Variants in ZNF385D observed in about 807,000 individuals in gnomAD.
ZNF385D encodes the protein zinc finger protein 659.
A neutral mutation model predicts 35.8 loss-of-function variants in ZNF385D; 15 were observed. The ratio of observed to expected loss-of-function variants is 0.42; its 90% CI spans 0.28 to 0.64. The LOEUF (loss-of-function observed/expected upper bound fraction) is 0.64, where lower values mean the gene tolerates loss of function less well. ZNF385D is among the 30% of genes least tolerant of loss of function. The pLI is 0.23. For synonymous variants in ZNF385D, 212 were observed against 186.8 expected (o/e 1.13, Z -1.10); for missense variants, 474 against 494.6 (o/e 0.96, Z 0.39).
At chr3:21,913,267 A>G (rs1700050947) in intron 3 of ZNF385D, among the ~76,000 whole-genome samples, 1 of 152,080 alleles carries the variant, frequency 6.6e-6, no homozygotes, top group South Asian at 2.1e-4. Context: ...GTTAACTAGA[A>G]CCATTATAAT....
intron 3 of ZNF385D, among the ~76,000 whole-genome samples, chr3:21,557,098 T>G (rs1477672956): frequency 1.3e-5 from 2 of 152,192 alleles, no homozygotes; most frequent in Non-Finnish European, 1.5e-5. Context: ...AAATATACAA[T>G]CATGTCATCT....
At chr3:21,946,749 T>C (rs922671801) in intron 3 of ZNF385D, among the ~76,000 whole-genome samples, 1 of 152,184 alleles carries the variant, frequency 6.6e-6, no homozygotes, top group African/African-American at 2.4e-5. Context: ...GGAGAAACAC[T>C]TGAACCCAAG....
At chr3:21,550,671 CAG>C (rs1233575174) in intron 3 of ZNF385D, among the ~76,000 whole-genome samples, 1 of 152,130 alleles carries the variant, frequency 6.6e-6, no homozygotes, top group Non-Finnish European at 1.5e-5. Context: ...TTAACAGAGA[CAG>C]AGTTTCACCA....
At chr3:21,873,061 T>A (rs1697777281) in intron 3 of ZNF385D, among the ~76,000 whole-genome samples, 1 of 152,186 alleles carries the variant, frequency 6.6e-6, no homozygotes, top group African/African-American at 2.4e-5. Flanking sequence ...TAATTCTCTC[T>A]TTTAAGGTTT....
At position 22,035,326 on chromosome 3, in the gene ZNF385D, C is replaced by T. The variant is rs1698249043; in HGVS notation, c.325+133491G>A. ...GGCTGGACAGTCTTGTTCCCAGTGCCCATCTAGCAATATCTTCTCCTGTCT... is the reference window on the plus strand; with the variant it reads ...GGCTGGACAGTCTTGTTCCCAGTGCTCATCTAGCAATATCTTCTCCTGTCT... On this transcript the variant is annotated intron_variant, in intron 3 of 5. Transcript: ENST00000494108. Among the ~76,000 whole-genome samples the T allele has an allele frequency of 1.3e-5, 2 of 152,092 alleles. 1 individual carries two copies. Among genetic ancestry groups the T allele is most frequent in the Admixed American group, 1.3e-4 (2 of 15,258 alleles).
intron 3 of ZNF385D, among the ~76,000 whole-genome samples, chr3:21,814,576 G>C (rs1474018379): frequency 6.6e-6 from 1 of 152,126 alleles, no homozygotes; most frequent in East Asian, 1.9e-4. Flanking sequence ...AAGATCAAAA[G>C]AGACAAAGAA....
intron 1 of ZNF385D, among the ~76,000 whole-genome samples, chr3:21,696,986 C>A (rs1232953758): frequency 6.6e-6 from 1 of 152,018 alleles, no homozygotes; most frequent in Non-Finnish European, 1.5e-5. Flanking sequence ...TTAAAAGTAA[C>A]AGTTTATATA....
chr3:22,280,872 G>A (rs557324149), intron 2 of ZNF385D, among the ~76,000 whole-genome samples: 9 of 151,448 alleles, frequency 5.9e-5, no homozygotes, highest in Admixed American at 2.0e-4. Context: ...TCATTTTCAC[G>A]TATTTCCATT....
chr3:22,248,085 G>C lies in ZNF385D; in HGVS notation c.107-79050C>G, dbSNP rs189373896. Among the ~76,000 whole-genome samples, 421 of 152,254 alleles carry C rather than the reference G, an allele frequency of 2.8e-3. 2 individuals carry two copies. Among genetic ancestry groups the C allele is most frequent in the African/African-American group, 9.8e-3 (407 of 41,552 alleles). On this transcript the variant is annotated intron_variant, in intron 2 of 5. Coordinates refer to the ZNF385D transcript ENST00000494108. ...TAGCCCTCAATCAAGCTGATGTCAA[G>C]ATTCATGAACTACACAACCTTGCTC...
At position 21,866,299 on chromosome 3, in the gene ZNF385D, A is replaced by G. The variant is rs537796736; in HGVS notation, c.326-201271T>C. 1.8e-3 allele frequency among the ~76,000 whole-genome samples: 273 copies of G among 152,120 alleles called. 3 individuals carry two copies. The highest frequency in any genetic ancestry group is 5.8e-3 in the African/African-American group (240 of 41,502). ...GAAACCCCGTCTCTTCTAAAAATAC[A>G]AAAAATTAGCTGGGCATGGTGGCGT... On this transcript the variant is annotated intron_variant, in intron 3 of 5. Transcript: ENST00000494108.
At chr3:22,197,990 T>C (rs1696533342) in intron 2 of ZNF385D, among the ~76,000 whole-genome samples, 1 of 152,098 alleles carries the variant, frequency 6.6e-6, no homozygotes, top group African/African-American at 2.4e-5. Flanking sequence ...GAAGGCGATG[T>C]CCCCTTTTAC....
At chr3:21,775,747 T>C (rs890049024) in intron 3 of ZNF385D, among the ~76,000 whole-genome samples, 30 of 152,040 alleles carry the variant, frequency 2.0e-4, no homozygotes, top group East Asian at 9.7e-4. Flanking sequence ...CATTTTCTTA[T>C]TGATTTAAGA....
chr3:21,877,816 C>G (rs1219008016), intron 3 of ZNF385D: 1 of 151,960 alleles, frequency 6.6e-6, no homozygotes, highest in African/African-American at 2.4e-5. Flanking sequence ...GTAGAGATAT[C>G]TAATCAAAGT....
intron 3 of ZNF385D, among the ~76,000 whole-genome samples, chr3:21,765,305 A>G (rs1240167970): frequency 6.6e-6 from 1 of 152,106 alleles, no homozygotes; most frequent in East Asian, 1.9e-4. Flanking sequence ...AGGGATCAAT[A>G]CTGATGGAAA....
At chr3:22,190,087 TA>T (rs537263679) in intron 2 of ZNF385D, among the ~76,000 whole-genome samples, 6 of 152,084 alleles carry the variant, frequency 3.9e-5, no homozygotes, top group Non-Finnish European at 7.4e-5. Context: ...AACGAAGCAA[TA>T]AAAAAACAGT....
intron 3 of ZNF385D, among the ~76,000 whole-genome samples, chr3:22,120,987 C>G (rs1194139433): frequency 6.6e-6 from 1 of 152,164 alleles, no homozygotes; most frequent in South Asian, 2.1e-4. Flanking sequence ...TATTCAACAT[C>G]TGAAAGACTA....
chr3:22,098,018 C>T (rs1701721700), intron 3 of ZNF385D, among the ~76,000 whole-genome samples: 1 of 151,980 alleles, frequency 6.6e-6, no homozygotes, highest in Admixed American at 6.6e-5. Flanking sequence ...AAGTTTGAAG[C>T]TACTAGGAAC....
intron 2 of ZNF385D, among the ~76,000 whole-genome samples, chr3:21,637,901 A>G (rs1216055880): frequency 6.6e-6 from 1 of 152,114 alleles, no homozygotes; most frequent in Non-Finnish European, 1.5e-5. Context: ...AAGACCTCTA[A>G]TACTGACTCT....
At chr3:22,090,133 C>T (rs1013831383) in intron 3 of ZNF385D, among the ~76,000 whole-genome samples, 2 of 152,144 alleles carry the variant, frequency 1.3e-5, no homozygotes, top group Non-Finnish European at 2.9e-5. Context: ...CCACAGCACC[C>T]AGCTTGTAAT....
Sources: gnomAD v4.1 joint callset for allele counts (sites outside exome capture counted in the v4.1 genomes callset) on GRCh38, gnomAD v4.1.1 for gene constraint, MANE v1.5 for transcripts, NCBI Gene and HGNC (gene_info 2026-07-23, HGNC 2026-07-21) for gene names.